Variants in FANK1 observed in about 807,000 individuals in gnomAD.
The protein encoded by FANK1 is fibronectin type III and ankyrin repeat domains 1, also known as fibronectin type 3 and ankyrin repeat domains protein 1.
Under a neutral mutation model 45.3 loss-of-function variants are expected in FANK1, and 44 were observed. The observed-to-expected ratio is 0.97, with a 90% CI of 0.76 to 1.25. FANK1 has a LOEUF of 1.25. FANK1 is among the 50% of genes most tolerant of loss of function. The pLI is 0.00. For synonymous variants in FANK1, 149 were observed against 152.5 expected (o/e 0.98, Z 0.17); for missense variants, 391 against 424.4 (o/e 0.92, Z 0.69).
intron 1 of FANK1, among the ~76,000 whole-genome samples, chr10:125,915,936 C>CA (rs1263637984): frequency 6.6e-6 from 1 of 152,186 alleles, no homozygotes; most frequent in African/African-American, 2.4e-5. Flanking sequence ...ATTAACTTGA[C>CA]AGTTTGTAAT....
chr10:126,000,924 G>A (rs112577501), intron 6 of FANK1, among the ~76,000 whole-genome samples: 3 of 152,174 alleles, frequency 2.0e-5, no homozygotes, highest in African/African-American at 7.2e-5. Context: ...ATATAAAGAT[G>A]TTTAGCATTA....
At chr10:126,003,602 C>T (rs1260030546) in intron 6 of FANK1, among the ~76,000 whole-genome samples, 2 of 152,122 alleles carry the variant, frequency 1.3e-5, no homozygotes, top group Non-Finnish European at 2.9e-5. Flanking sequence ...TTTCCCATTG[C>T]ACTTAGAAAA....
rs562158748 is a variant in FANK1 at position 125,978,886 on chromosome 10, T to C, written c.14-1275T>C. 2.0e-5 allele frequency among the ~76,000 whole-genome samples: 3 copies of C among 152,188 alleles called. No individual in the cohort carries two copies. In the East Asian group the frequency reaches 5.8e-4, roughly 29 times the overall value. On this transcript the variant is annotated intron_variant, in intron 1 of 10. Coordinates refer to ENST00000368693, the MANE Select transcript of FANK1 (RefSeq NM_145235.5). ...TCTTTCCTAAGTGTATGTACAGGAG[T>C]CTAACCTCTCACTTTGCCAGAGCTA...
chr10:125,977,447 G>T (rs1281372639), intron 1 of FANK1, among the ~76,000 whole-genome samples: 1 of 152,128 alleles, frequency 6.6e-6, no homozygotes, highest in Non-Finnish European at 1.5e-5. Context: ...GTTTGGTTGC[G>T]TGGCTCCCCT....
rs192534691 is a variant in FANK1, at chr10:125,918,912, G to A, written c.13+22257G>A. Among the ~76,000 whole-genome samples, 3 of 152,054 alleles carry A rather than the reference G, an allele frequency of 2.0e-5. No individual in the cohort carries two copies. The East Asian group carries it at 5.8e-4, about 29-fold the overall frequency. On this transcript the variant is annotated intron_variant, in intron 1 of 10. Coordinates refer to ENST00000368693, the MANE Select transcript of FANK1 (RefSeq NM_145235.5). ...AGATGTAATCAAGAAACAGAAGTAC[G>A]TTTGAATAGAGACCAACTAAAGATG...
chr10:125,970,631 G>A (rs1460575422), intron 1 of FANK1, among the ~76,000 whole-genome samples: 2 of 152,180 alleles, frequency 1.3e-5, no homozygotes, highest in African/African-American at 2.4e-5. Context: ...GGGCCAACAC[G>A]GCGAAACCCC....
At chr10:125,932,242 A>G (rs544204064) in intron 1 of FANK1, among the ~76,000 whole-genome samples, 1 of 152,212 alleles carries the variant, frequency 6.6e-6, no homozygotes, top group South Asian at 2.1e-4. Context: ...GTGAAGAATA[A>G]TGGTGGTATT....
intron 1 of FANK1, among the ~76,000 whole-genome samples, chr10:125,949,963 A>T (rs1262245845): frequency 8.7e-6 from 1 of 115,540 alleles, no homozygotes; most frequent in South Asian, 3.5e-4. Context: ...ATAACGCCGC[A>T]TATCTACAAC....
At chr10:125,917,254 G>C (rs949674228) in intron 1 of FANK1, among the ~76,000 whole-genome samples, 1 of 152,204 alleles carries the variant, frequency 6.6e-6, no homozygotes, top group Non-Finnish European at 1.5e-5. Context: ...GAAGAAGGAA[G>C]TCCCCTCTGC....
At chr10:125,919,185 G>A (rs1421839011) in intron 1 of FANK1, among the ~76,000 whole-genome samples, 1 of 106,284 alleles carries the variant, frequency 9.4e-6, no homozygotes, top group Non-Finnish European at 2.1e-5. Flanking sequence ...AATACTTCCA[G>A]GAGGTAAGAA....
chr10:125,966,902 T>C (rs1266173520), intron 1 of FANK1, among the ~76,000 whole-genome samples: 1 of 152,238 alleles, frequency 6.6e-6, no homozygotes, highest in Non-Finnish European at 1.5e-5. Context: ...TCAGCCATAA[T>C]GCTACTATTT....
At position 126,004,472 on chromosome 10, in the gene FANK1, C is replaced by T. The variant is rs551611590; in HGVS notation, c.540-412C>T. 1.1e-4 allele frequency: 18 copies of T among 158,348 alleles called. No individual in the cohort carries two copies. In the East Asian group the frequency reaches 3.3e-3, roughly 29 times the overall value. 9.8% of individuals were successfully genotyped at this position (158,348 alleles called of 1,614,324 possible). On this transcript the variant is annotated intron_variant, in intron 6 of 10. Transcript: ENST00000368693. ...TACTATCTACTTCCAGAATATTCATCCCCTGCCCCCCTGAAAGAAGCCCTG... is the reference window on the plus strand; with the variant it reads ...TACTATCTACTTCCAGAATATTCATTCCCTGCCCCCCTGAAAGAAGCCCTG...
chr10:125,996,577 G>A lies in FANK1; in HGVS notation c.426G>A (p.Lys142=), dbSNP rs1952347076. The A allele has an allele frequency of 6.2e-7, 1 of 1,614,154 alleles. No homozygotes were observed. Among genetic ancestry groups the A allele is most frequent in the Non-Finnish European group, 8.5e-7 (1 of 1,180,016 alleles). Residue 142 remains lysine, a synonymous_variant, in exon 5 of 11, where the codon AAG becomes AAA. Coordinates refer to ENST00000368693, the MANE Select transcript of FANK1 (RefSeq NM_145235.5). ...GTGTTAAGGTTGATGTTCCCAATAA[G>A]TTTGGCTTTACCGCTCTGATGGTTG... ...GGRVKVDVPN[K]FGFTALMVAA...
chr10:125,912,611 C>T (rs1397974560), intron 1 of FANK1, among the ~76,000 whole-genome samples: 1 of 152,178 alleles, frequency 6.6e-6, no homozygotes, highest in African/African-American at 2.4e-5. Flanking sequence ...CAATCATCTA[C>T]TTAATATATA....
rs200628207 is a variant in FANK1 at position 125,980,338 on chromosome 10, C to T, written c.191C>T (p.Thr64Met). Residue 64 changes from threonine (T) to methionine (M), a missense_variant and splice_region_variant, in exon 2 of 11, where the codon ACG becomes ATG. Thr to Met is a moderately conservative substitution (Grantham distance 81, BLOSUM62 -1). Transcript: ENST00000368693. Reference sequence around the variant, plus strand: ...ATGCACACTTATGGTATCATTTATACGTAGGTGCAGTGTTGAATTGCTTGC... The same window carrying T: ...ATGCACACTTATGGTATCATTTATATGTAGGTGCAGTGTTGAATTGCTTGC... ...PKMHTYGIIYTGYATKHVVEG... is the reference protein window; with the variant it reads ...PKMHTYGIIYMGYATKHVVEG... The T allele has an allele frequency of 5.4e-5, 87 of 1,613,186 alleles. No individual in the cohort carries two copies. The highest frequency in any genetic ancestry group is 1.3e-4 in the Admixed American group (8 of 59,838).
chr10:125,931,059 T>C (rs1947721323), intron 1 of FANK1, among the ~76,000 whole-genome samples: 1 of 152,264 alleles, frequency 6.6e-6, no homozygotes, highest in Non-Finnish European at 1.5e-5. Context: ...CTCCTTTTTA[T>C]GACCGAGTAA....
At chr10:125,901,711 AC>A (rs1300856567) in intron 1 of FANK1, among the ~76,000 whole-genome samples, 2 of 151,812 alleles carry the variant, frequency 1.3e-5, no homozygotes, top group Non-Finnish European at 2.9e-5. Flanking sequence ...CCTAAATTTC[AC>A]CTCCTGCAAC....
intron 1 of FANK1, among the ~76,000 whole-genome samples, chr10:125,966,502 T>G (rs1309702882): frequency 6.6e-6 from 1 of 152,176 alleles, no homozygotes; most frequent in African/African-American, 2.4e-5. Flanking sequence ...CTCTTTGCCC[T>G]TCCCTCTTGG....
intron 1 of FANK1, among the ~76,000 whole-genome samples, chr10:125,910,830 T>C (rs1306197665): frequency 1.3e-5 from 2 of 151,928 alleles, no homozygotes; most frequent in East Asian, 3.9e-4. Flanking sequence ...GTTAGGAGAT[T>C]GAGACCATCC....
Sources: gnomAD v4.1 joint callset for allele counts (sites outside exome capture counted in the v4.1 genomes callset) on GRCh38, gnomAD v4.1.1 for gene constraint, MANE v1.5 for transcripts, NCBI Gene and HGNC (gene_info 2026-07-23, HGNC 2026-07-21) for gene names.